Variants in ADGRB3 observed in about 807,000 individuals in gnomAD.
ADGRB3 encodes the protein adhesion G protein-coupled receptor B3.
A neutral mutation model predicts 193.4 loss-of-function variants in ADGRB3; 37 were observed. That is an observed-to-expected ratio of 0.19 (90% CI 0.15 to 0.25). The LOEUF (loss-of-function observed/expected upper bound fraction) is 0.25. ADGRB3 is among the 10% of genes least tolerant of loss of function. ADGRB3 has a pLI of 1.00. For missense variants in ADGRB3, 1,637 were observed against 1,852.9 expected, an observed-to-expected ratio of 0.88 and a Z score of 2.14; for synonymous variants, 690 against 644.2, an observed-to-expected ratio of 1.07 and a Z score of -1.08.
intron 26 of ADGRB3, among the ~76,000 whole-genome samples, chr6:69,340,654 T>C (rs1768954618): frequency 6.6e-6 from 1 of 152,208 alleles, no homozygotes; most frequent in African/African-American, 2.4e-5. Flanking sequence ...CTGAGATACA[T>C]GTGCAGAACG....
intron 12 of ADGRB3, among the ~76,000 whole-genome samples, chr6:69,014,366 A>G (rs1464487900): frequency 6.6e-6 from 1 of 152,016 alleles, no homozygotes; most frequent in Admixed American, 6.6e-5. Flanking sequence ...ATACCTAACC[A>G]ATAAGTTCCT....
At chr6:69,115,532 A>G (rs1333566806) in intron 17 of ADGRB3, among the ~76,000 whole-genome samples, 1 of 152,218 alleles carries the variant, frequency 6.6e-6, no homozygotes, top group African/African-American at 2.4e-5. Context: ...CCACCACGGC[A>G]CGTGTATAAC....
Position 68,842,867 on chromosome 6 carries a change from G to T in ADGRB3, c.758-87692G>T, listed in dbSNP as rs1425909203. Among the ~76,000 whole-genome samples the T allele has an allele frequency of 3.9e-5, 6 of 151,916 alleles. No homozygotes were observed. In the East Asian group the frequency reaches 1.2e-3, roughly 29 times the overall value. On this transcript the variant is annotated intron_variant, in intron 3 of 31. Coordinates refer to ENST00000370598, the MANE Select transcript of ADGRB3 (RefSeq NM_001704.3). ...CTCAGGGATGCAAGGATAGTTCAAT[G>T]TATGCAAATCAATCAATATGAAACA... is the stretch of plus-strand genomic sequence containing the variant.
At chr6:69,077,708 T>A (rs560253360) in intron 17 of ADGRB3, among the ~76,000 whole-genome samples, 1 of 152,120 alleles carries the variant, frequency 6.6e-6, no homozygotes, top group African/African-American at 2.4e-5. Context: ...ATGACTCTTA[T>A]CTGTCACGAA....
chr6:68,823,049 A>C (rs548014872), intron 3 of ADGRB3, among the ~76,000 whole-genome samples: 56 of 152,132 alleles, frequency 3.7e-4, no homozygotes, highest in African/African-American at 1.3e-3. Flanking sequence ...GAAGACATCT[A>C]CACAGGAAAG....
chr6:68,946,004 T>C (rs554564049), intron 6 of ADGRB3, among the ~76,000 whole-genome samples: 3 of 152,236 alleles, frequency 2.0e-5, no homozygotes, highest in East Asian at 3.9e-4. Flanking sequence ...TATTTGTAAA[T>C]GTAGCCTAGC....
chr6:69,227,920 A>G (rs1766053394), intron 17 of ADGRB3, among the ~76,000 whole-genome samples: 1 of 152,248 alleles, frequency 6.6e-6, no homozygotes, highest in Admixed American at 6.5e-5. Flanking sequence ...CAATCTGTCT[A>G]GATCAAACTC....
chr6:69,069,210 G>T (rs1355893150), intron 16 of ADGRB3, among the ~76,000 whole-genome samples: 2 of 151,990 alleles, frequency 1.3e-5, no homozygotes, highest in Admixed American at 6.6e-5. Flanking sequence ...ACATCCAGGA[G>T]ATTACTTCCT....
In ADGRB3 at chr6:68,648,927, TA is replaced by T. The variant is rs1219574820; in HGVS notation, c.757+9498del. Among the ~76,000 whole-genome samples, 2 of 152,020 alleles carry T rather than the reference TA, an allele frequency of 1.3e-5. 1 individual carries two copies. The highest frequency in any genetic ancestry group is 1.3e-4 in the Admixed American group (2 of 15,242). Reference sequence around the variant, plus strand: ...CTAAAGCATTTAAATAAAGATTTCATAAATACAAAGAATATAATAACACCTA... The same window carrying T: ...CTAAAGCATTTAAATAAAGATTTCATAATACAAAGAATATAATAACACCTA... On this transcript the variant is annotated intron_variant, in intron 3 of 31. Coordinates refer to ENST00000370598, the MANE Select transcript of ADGRB3 (RefSeq NM_001704.3).
intron 17 of ADGRB3, among the ~76,000 whole-genome samples, chr6:69,102,185 A>G (rs1470058617): frequency 1.3e-5 from 2 of 151,808 alleles, no homozygotes; most frequent in African/African-American, 4.8e-5. Context: ...CTCAAAAAAA[A>G]AAAAAAAAAA....
chr6:68,860,146 GTGTTATGC>G (rs1391871340), intron 3 of ADGRB3, among the ~76,000 whole-genome samples: 1 of 152,056 alleles, frequency 6.6e-6, no homozygotes, highest in Non-Finnish European at 1.5e-5. Flanking sequence ...TCAGTATGTT[GTGTTATGC>G]TGTTCTATAT....
chr6:68,830,481 T>C (rs1279639471), intron 3 of ADGRB3, among the ~76,000 whole-genome samples: 1 of 152,216 alleles, frequency 6.6e-6, no homozygotes, highest in East Asian at 1.9e-4. Context: ...TTGGCAATAA[T>C]GTTTTTTAGT....
chr6:68,881,673 T>C (rs1765736559), intron 3 of ADGRB3, among the ~76,000 whole-genome samples: 2 of 152,208 alleles, frequency 1.3e-5, no homozygotes, highest in African/African-American at 4.8e-5. Context: ...CCAGAAATCA[T>C]AGCCTCTCAG....
intron 3 of ADGRB3, among the ~76,000 whole-genome samples, chr6:68,911,901 A>G (rs1397012948): frequency 2.0e-5 from 3 of 151,180 alleles, no homozygotes; most frequent in Non-Finnish European, 4.4e-5. Flanking sequence ...AATGTCTGGA[A>G]GGATATCTTT....
intron 12 of ADGRB3, among the ~76,000 whole-genome samples, chr6:69,016,566 A>G (rs1227360535): frequency 2.6e-5 from 4 of 151,884 alleles, no homozygotes; most frequent in Non-Finnish European, 5.9e-5. Flanking sequence ...TTATATCTTT[A>G]TGACTGGAAG....
At position 68,673,024 on chromosome 6, in the gene ADGRB3, ATCTC is replaced by A. The variant is rs140274796; in HGVS notation, c.757+33609_757+33612del. Among the ~76,000 whole-genome samples, 13 of 147,726 alleles carry A rather than the reference ATCTC, an allele frequency of 8.8e-5. No individual in the cohort carries two copies. The East Asian group carries it at 1.0e-3, about 11-fold the overall frequency. ...TGTGAGCCAAAATTCCTTAAACTGA[ATCTC>A]TCTCTCTCTCTCTCTCAGTAGGTGT... On this transcript the variant is annotated intron_variant, in intron 3 of 31. Coordinates refer to ENST00000370598, the MANE Select transcript of ADGRB3 (RefSeq NM_001704.3).
chr6:69,000,804 A>G, intron 11 of ADGRB3, among the ~76,000 whole-genome samples: 1 of 152,254 alleles, frequency 6.6e-6, no homozygotes, highest in East Asian at 1.9e-4. Flanking sequence ...AATATTACAA[A>G]TAAATTTTAA....
intron 3 of ADGRB3, among the ~76,000 whole-genome samples, chr6:68,821,048 C>G (rs1767739780): frequency 6.6e-6 from 1 of 152,060 alleles, no homozygotes; most frequent in African/African-American, 2.4e-5. Context: ...ATCGTTTACC[C>G]AGGATGTAAA....
intron 13 of ADGRB3, among the ~76,000 whole-genome samples, chr6:69,031,715 A>G (rs1770715570): frequency 6.7e-6 from 1 of 149,614 alleles, no homozygotes; most frequent in African/African-American, 2.5e-5. Context: ...GCTCACTACA[A>G]CCTCCACCTC....
Sources: allele counts gnomAD v4.1 joint callset (sites outside exome capture counted in the v4.1 genomes callset), GRCh38; gene constraint gnomAD v4.1.1; transcripts MANE v1.5; gene names NCBI Gene and HGNC (gene_info 2026-07-23, HGNC 2026-07-21).